Variants in PDE1A observed in about 807,000 individuals in gnomAD.
The protein encoded by PDE1A is dual specificity calcium/calmodulin-dependent 3',5'-cyclic nucleotide phosphodiesterase 1A.
A neutral mutation model predicts 61.7 loss-of-function variants in PDE1A; 35 were observed. That is an observed-to-expected ratio of 0.57 (90% CI 0.43 to 0.75). The LOEUF (loss-of-function observed/expected upper bound fraction) is 0.75. Among genes scored for constraint, PDE1A ranks in the 30% least tolerant of loss-of-function variants. PDE1A has a pLI of 0.00. For missense variants in PDE1A, 597 were observed against 630.6 expected, an observed-to-expected ratio of 0.95 and a Z score of 0.57; for synonymous variants, 232 against 213.2, an observed-to-expected ratio of 1.09 and a Z score of -0.77.
At chr2:182,648,419 C>G in the PDE1A span, among the ~76,000 whole-genome samples, 1 of 148,708 alleles carries the variant, frequency 6.7e-6, no homozygotes, top group African/African-American at 2.5e-5. Flanking sequence ...CACCTGTAAT[C>G]CCAGCACTTA....
chr2:182,168,128 A>G, exon 14 of PDE1A: 1 of 1,441,038 alleles, frequency 6.9e-7, no homozygotes, highest in Non-Finnish European at 9.1e-7. Context: ...GCAATCTGCA[A>G]AAATAGATTT....
chr2:182,153,746 T>G (rs553188460), intron 13 of PDE1A, among the ~76,000 whole-genome samples: 1 of 152,122 alleles, frequency 6.6e-6, no homozygotes, highest in Non-Finnish European at 1.5e-5. Flanking sequence ...ATGATCAGAT[T>G]TGGCTCGTAG....
intron 1 of PDE1A, among the ~76,000 whole-genome samples, chr2:182,370,825 G>C (rs1700088971): frequency 6.6e-6 from 1 of 152,132 alleles, no homozygotes; most frequent in Non-Finnish European, 1.5e-5. Context: ...GGGATTGCAG[G>C]AGATTAGGAG....
the PDE1A span, among the ~76,000 whole-genome samples, chr2:182,562,924 T>C: frequency 2.6e-5 from 4 of 152,178 alleles, no homozygotes; most frequent in Non-Finnish European, 4.4e-5. Context: ...TTTTTTATTG[T>C]GTCTATTTGA....
intron 13 of PDE1A, among the ~76,000 whole-genome samples, chr2:182,174,662 T>G (rs925285552): frequency 6.6e-6 from 1 of 152,138 alleles, no homozygotes; most frequent in Admixed American, 6.6e-5. Context: ...ATAGTGTAAA[T>G]AATTCAATTA....
chr2:182,234,424 T>C lies in PDE1A; in HGVS notation c.417+8A>G. On this transcript the variant is annotated splice_region_variant and intron_variant, in intron 4 of 13. Transcript: ENST00000351439. Reference sequence around the variant, plus strand: ...ATTTTATACACGAAAATAATGAAATTATGTCACCTTTAATGTTACGATGAC... The same window carrying C: ...ATTTTATACACGAAAATAATGAAATCATGTCACCTTTAATGTTACGATGAC... The C allele has an allele frequency of 1.3e-6, 2 of 1,579,852 alleles. No individual in the cohort carries two copies.
At chr2:182,262,673 C>T (rs926339623) in intron 2 of PDE1A, among the ~76,000 whole-genome samples, 2 of 152,046 alleles carry the variant, frequency 1.3e-5, no homozygotes, top group Non-Finnish European at 2.9e-5. Flanking sequence ...CTCAATATGG[C>T]CTCTTCTGCC....
At chr2:182,387,052 ACTT>A (rs1701150990) in intron 1 of PDE1A, among the ~76,000 whole-genome samples, 1 of 152,128 alleles carries the variant, frequency 6.6e-6, no homozygotes, top group South Asian at 2.1e-4. Context: ...GACATGGGAG[ACTT>A]CATTTTGTTC....
chr2:182,368,613 G>A (rs1165902805), intron 1 of PDE1A, among the ~76,000 whole-genome samples: 1 of 151,680 alleles, frequency 6.6e-6, no homozygotes, highest in Non-Finnish European at 1.5e-5. Context: ...ATAAACTTAG[G>A]GCTGCAACTC....
the PDE1A span, among the ~76,000 whole-genome samples, chr2:182,532,945 CAAAAAAAAA>C: frequency 2.8e-4 from 6 of 21,176 alleles, no homozygotes; most frequent in East Asian, 1.6e-3. Flanking sequence ...GACTCCGTCT[CAAAAAAAAA>C]AAAAAAAAAA....
chr2:182,591,449 C>T, the PDE1A span, among the ~76,000 whole-genome samples: 9 of 152,224 alleles, frequency 5.9e-5, no homozygotes, highest in Admixed American at 1.3e-4. Flanking sequence ...TAGTCAGAAC[C>T]GGGTGGCAGA....
chr2:182,244,847 G>A (rs2125706822), intron 2 of PDE1A, among the ~76,000 whole-genome samples: 1 of 152,288 alleles, frequency 6.6e-6, no homozygotes, highest in Middle Eastern at 3.4e-3. Context: ...AAGTGAATCT[G>A]GGTATGAGTT....
downstream of PDE1A, among the ~76,000 whole-genome samples, chr2:182,165,752 A>T (rs1478651823): frequency 6.6e-6 from 1 of 152,208 alleles, no homozygotes; most frequent in Non-Finnish European, 1.5e-5. Flanking sequence ...ATGTGGCCAG[A>T]TACAGAAATG....
At chr2:182,503,427 ACTT>A (rs1455931652) in intron 2 of PDE1A, among the ~76,000 whole-genome samples, 1 of 152,142 alleles carries the variant, frequency 6.6e-6, no homozygotes, top group East Asian at 1.9e-4. Flanking sequence ...TAAAATCTTG[ACTT>A]CTTATCAAGG....
the PDE1A span, among the ~76,000 whole-genome samples, chr2:182,701,634 G>A: frequency 2.6e-5 from 4 of 152,020 alleles, no homozygotes; most frequent in African/African-American, 7.2e-5. Flanking sequence ...CACCCGCCTC[G>A]GCCTCCCAAA....
At chr2:182,170,105 C>A (rs1692052021) in intron 13 of PDE1A, among the ~76,000 whole-genome samples, 1 of 152,006 alleles carries the variant, frequency 6.6e-6, no homozygotes, top group Non-Finnish European at 1.5e-5. Flanking sequence ...TTTAACTAAA[C>A]CAACCCATCA....
At chr2:182,681,229 A>T in the PDE1A span, among the ~76,000 whole-genome samples, 6 of 151,812 alleles carry the variant, frequency 4.0e-5, no homozygotes, top group Non-Finnish European at 8.8e-5. Flanking sequence ...TGTTTCCTCA[A>T]AACTGAAGTT....
At chr2:182,240,135 C>G in exon 3 of PDE1A, 2 of 1,613,594 alleles carry the variant, frequency 1.2e-6, no homozygotes, top group Non-Finnish European at 8.5e-7. Flanking sequence ...CCAGCTTGAA[C>G]AGCATGCACA....
chr2:182,333,074 A>G (rs532239267), intron 1 of PDE1A, among the ~76,000 whole-genome samples: 1 of 152,342 alleles, frequency 6.6e-6, no homozygotes, highest in South Asian at 2.1e-4. Flanking sequence ...ATCCAAATTC[A>G]TAAAGCAAGT....
Sources: gnomAD v4.1 joint callset for allele counts (sites outside exome capture counted in the v4.1 genomes callset) on GRCh38, gnomAD v4.1.1 for gene constraint, MANE v1.5 for transcripts, NCBI Gene and HGNC (gene_info 2026-07-23, HGNC 2026-07-21) for gene names.